BNC2: variants seen among roughly 807,000 people sequenced by gnomAD.
The protein encoded by BNC2 is basonuclin zinc finger protein 2.
Under a neutral mutation model 76.3 loss-of-function variants are expected in BNC2, and 20 were observed. The ratio of observed to expected loss-of-function variants is 0.26; its 90% CI spans 0.18 to 0.38. BNC2 has a LOEUF of 0.38. Among genes scored for constraint, BNC2 ranks in the 10% least tolerant of loss-of-function variants. BNC2 has a pLI of 1.00. For synonymous variants in BNC2, 582 were observed against 514.8 expected (o/e 1.13, Z -1.77); for missense variants, 1,382 against 1,399.8 (o/e 0.99, Z 0.20).
intron 5 of BNC2, among the ~76,000 whole-genome samples, chr9:16,481,138 C>G (rs1458745570): frequency 6.6e-6 from 1 of 152,122 alleles, no homozygotes. Flanking sequence ...TGTGTCCATA[C>G]TCTGTATCTA....
chr9:16,560,522 G>C (rs1163733938), intron 4 of BNC2, among the ~76,000 whole-genome samples: 3 of 150,630 alleles, frequency 2.0e-5, no homozygotes, highest in African/African-American at 7.4e-5. Flanking sequence ...GATCTGCCTG[G>C]ACAACACAGT....
chr9:16,860,178 A>G (rs994708400), intron 1 of BNC2, among the ~76,000 whole-genome samples: 1 of 152,222 alleles, frequency 6.6e-6, no homozygotes, highest in African/African-American at 2.4e-5. Flanking sequence ...CACAATCCAA[A>G]TTGCTTTTTA....
rs959661493 is a variant in BNC2, at chr9:16,415,563, A to G, written c.*3426T>C. On this transcript the variant is annotated 3_prime_UTR_variant, in exon 7 of 7. Coordinates refer to ENST00000380672, the MANE Select transcript of BNC2 (RefSeq NM_017637.6). ...AAAAACTCCTATGAAAAAGCAAATG[A>G]GTAGGAATGGGCAAAGATGAGCTCC... 2 of 152,376 alleles carry G rather than the reference A, an allele frequency of 1.3e-5. No individual in the cohort carries two copies. The highest frequency in any genetic ancestry group is 4.8e-5 in the African/African-American group (2 of 41,476). 9.4% of individuals were successfully genotyped at this position (152,376 alleles called of 1,614,324 possible).
At chr9:16,421,939 T>C (rs77771985) in intron 6 of BNC2, among the ~76,000 whole-genome samples, 1,532 of 152,294 alleles carry the variant, frequency 0.01, 23 homozygotes, top group African/African-American at 0.035. Flanking sequence ...AATCTAGAAC[T>C]CTGTTGCTTC....
intron 4 of BNC2, among the ~76,000 whole-genome samples, chr9:16,555,596 C>T (rs1818805227): frequency 1.3e-5 from 2 of 151,528 alleles, no homozygotes; most frequent in Non-Finnish European, 2.9e-5. Flanking sequence ...GAGTTCAAGA[C>T]CGGCCTGGGC....
chr9:16,692,542 T>C (rs1453620980), intron 3 of BNC2, among the ~76,000 whole-genome samples: 2 of 152,036 alleles, frequency 1.3e-5, no homozygotes, highest in Non-Finnish European at 2.9e-5. Flanking sequence ...ACACAGTATA[T>C]CTGTAAATGG....
chr9:16,706,386 T>G (rs984278152), intron 3 of BNC2, among the ~76,000 whole-genome samples: 4 of 152,212 alleles, frequency 2.6e-5, no homozygotes, highest in Non-Finnish European at 5.9e-5. Context: ...CCCCTCTTTT[T>G]GCCCTGACCT....
chr9:16,692,326 T>G (rs1823197599), intron 3 of BNC2, among the ~76,000 whole-genome samples: 1 of 152,158 alleles, frequency 6.6e-6, no homozygotes, highest in Non-Finnish European at 1.5e-5. Flanking sequence ...CCAGCTATCT[T>G]AAAGACAGGT....
intron 3 of BNC2, among the ~76,000 whole-genome samples, chr9:16,623,030 G>C (rs896286963): frequency 2.6e-5 from 4 of 152,050 alleles, no homozygotes; most frequent in African/African-American, 9.7e-5. Flanking sequence ...ACATAAAACA[G>C]GAGGAGAAGA....
At chr9:16,835,876 C>T (rs975610588) in intron 1 of BNC2, among the ~76,000 whole-genome samples, 2 of 151,968 alleles carry the variant, frequency 1.3e-5, no homozygotes, top group African/African-American at 4.8e-5. Context: ...TTGTTTTTTC[C>T]CAGACTTACC....
At chr9:16,587,371 G>T (rs1019429569) in intron 3 of BNC2, among the ~76,000 whole-genome samples, 2 of 151,996 alleles carry the variant, frequency 1.3e-5, no homozygotes, top group South Asian at 2.1e-4. Flanking sequence ...GCACCATCAC[G>T]TTGAGCTAAG....
intron 3 of BNC2, among the ~76,000 whole-genome samples, chr9:16,621,885 T>C (rs1019240785): frequency 1.3e-5 from 2 of 152,188 alleles, no homozygotes; most frequent in Non-Finnish European, 2.9e-5. Context: ...AAATCATAAT[T>C]TTTGATATAC....
intron 5 of BNC2, among the ~76,000 whole-genome samples, chr9:16,534,780 G>A (rs1030562463): frequency 7.2e-5 from 11 of 152,118 alleles, no homozygotes; most frequent in African/African-American, 2.4e-4. Context: ...AACATTCACA[G>A]TTTGGAGGAG....
intron 5 of BNC2, among the ~76,000 whole-genome samples, chr9:16,520,315 T>G (rs1156561654): frequency 6.6e-6 from 1 of 151,926 alleles, no homozygotes; most frequent in Non-Finnish European, 1.5e-5. Flanking sequence ...ATTATGTGAG[T>G]GATTTTGAGG....
Position 16,415,995 on chromosome 9 carries a change from T to G in BNC2, c.*2994A>C, listed in dbSNP as rs1178657832. ...CAAGGGAAACTCTACTTCTAGAATCTCATTACTTCTGGACTTTTTCTAACT... is the reference window on the plus strand; with the variant it reads ...CAAGGGAAACTCTACTTCTAGAATCGCATTACTTCTGGACTTTTTCTAACT... On this transcript the variant is annotated 3_prime_UTR_variant, in exon 7 of 7. Coordinates refer to ENST00000380672, the MANE Select transcript of BNC2 (RefSeq NM_017637.6). The G allele has an allele frequency of 6.6e-6, 1 of 152,138 alleles. No individual in the cohort carries two copies. The highest frequency in any genetic ancestry group is 6.5e-5 in the Admixed American group (1 of 15,274). 9.4% of individuals were successfully genotyped at this position (152,138 alleles called of 1,614,324 possible). A position where few individuals can be genotyped will look rare whatever the true frequency, so the allele number is the denominator to read the frequency against.
intron 5 of BNC2, among the ~76,000 whole-genome samples, chr9:16,479,097 T>A (rs1000123764): frequency 2.0e-5 from 3 of 151,548 alleles, no homozygotes; most frequent in Non-Finnish European, 4.4e-5. Context: ...ACCAAAAAAA[T>A]AAAAATTAGC....
At chr9:16,798,720 C>T (rs1409283151) in intron 1 of BNC2, among the ~76,000 whole-genome samples, 1 of 152,136 alleles carries the variant, frequency 6.6e-6, no homozygotes, top group Non-Finnish European at 1.5e-5. Context: ...AGAGGAAATA[C>T]TGAAATTATT....
chr9:16,464,676 C>A (rs1286007540), intron 5 of BNC2, among the ~76,000 whole-genome samples: 2 of 152,140 alleles, frequency 1.3e-5, no homozygotes, highest in Non-Finnish European at 2.9e-5. Flanking sequence ...CATGCCTCAG[C>A]CTCCATAGTA....
At chr9:16,765,624 A>T (rs915751283) in intron 1 of BNC2, among the ~76,000 whole-genome samples, 110 of 152,280 alleles carry the variant, frequency 7.2e-4, no homozygotes, top group African/African-American at 2.6e-3. Flanking sequence ...TTTTAAAACC[A>T]ACCCCAAACT....
Sources: allele counts gnomAD v4.1 joint callset (sites outside exome capture counted in the v4.1 genomes callset), GRCh38; gene constraint gnomAD v4.1.1; transcripts MANE v1.5; gene names NCBI Gene and HGNC (gene_info 2026-07-23, HGNC 2026-07-21).